ABTB3: variants seen among roughly 807,000 people sequenced by gnomAD.
ABTB3 encodes ankyrin repeat and BTB domain containing 3.
chr12:107,529,959 C>A, the ABTB3 span, among the ~76,000 whole-genome samples: 13 of 152,296 alleles, frequency 8.5e-5, no homozygotes, highest in Middle Eastern at 3.4e-3. Flanking sequence ...TATAAGCAGG[C>A]TTTGCAGGTA....
chr12:107,436,964 C>T, the ABTB3 span, among the ~76,000 whole-genome samples: 1 of 152,048 alleles, frequency 6.6e-6, no homozygotes, highest in Non-Finnish European at 1.5e-5. Context: ...CCCCCCGCCG[C>T]ACCTGCCCCA....
At chr12:107,319,478 G>A in the ABTB3 span, 11 of 1,600,502 alleles carry the variant, frequency 6.9e-6, no homozygotes, top group African/African-American at 1.3e-4. Context: ...GCACTGTACG[G>A]CGGCTGCGCT....
chr12:107,369,846 A>G, the ABTB3 span, among the ~76,000 whole-genome samples: 2 of 148,812 alleles, frequency 1.3e-5, no homozygotes, highest in Admixed American at 1.4e-4. Flanking sequence ...GGGAGCCCTG[A>G]TGATTTCCTG....
At chr12:107,397,851 GT>G in the ABTB3 span, among the ~76,000 whole-genome samples, 4 of 152,118 alleles carry the variant, frequency 2.6e-5, no homozygotes, top group African/African-American at 9.7e-5. Context: ...CAATACCTTT[GT>G]TTGAGTAGCC....
At chr12:107,586,121 G>A in the ABTB3 span, among the ~76,000 whole-genome samples, 1 of 152,170 alleles carries the variant, frequency 6.6e-6, no homozygotes, top group African/African-American at 2.4e-5. Context: ...TCCATCAGGT[G>A]TTCGGAGAGC....
chr12:107,351,333 C>T, the ABTB3 span, among the ~76,000 whole-genome samples: 2 of 152,186 alleles, frequency 1.3e-5, no homozygotes, highest in African/African-American at 4.8e-5. Context: ...ACGCTTGAGC[C>T]TTACCATTGT....
At chr12:107,334,185 T>C in the ABTB3 span, among the ~76,000 whole-genome samples, 1 of 152,062 alleles carries the variant, frequency 6.6e-6, no homozygotes, top group Admixed American at 6.5e-5. Flanking sequence ...CCATGGCAGG[T>C]TTTGAATAAG....
At chr12:107,436,692 G>A in the ABTB3 span, among the ~76,000 whole-genome samples, 1,920 of 152,272 alleles carry the variant, frequency 0.013, 47 homozygotes, top group African/African-American at 0.043. Context: ...GAGGGTGAGC[G>A]AGTTTCTCTG....
chr12:107,473,577 C>T, the ABTB3 span, among the ~76,000 whole-genome samples: 2,750 of 152,204 alleles, frequency 0.018, 52 homozygotes, highest in Non-Finnish European at 0.03. Flanking sequence ...TGGTCTCAAA[C>T]TCCTGACCTC....
At chr12:107,507,755 G>A in the ABTB3 span, among the ~76,000 whole-genome samples, 16,750 of 152,094 alleles carry the variant, frequency 0.11, 999 homozygotes, top group South Asian at 0.15. Context: ...CTCCAGTTTG[G>A]ACTTCCCTAT....
At chr12:107,493,936 A>G in the ABTB3 span, among the ~76,000 whole-genome samples, 1 of 152,220 alleles carries the variant, frequency 6.6e-6, no homozygotes, top group Admixed American at 6.5e-5. Context: ...TGTGGTGTCT[A>G]GCTTCCAGAA....
chr12:107,489,476 C>G, the ABTB3 span, among the ~76,000 whole-genome samples: 1 of 152,280 alleles, frequency 6.6e-6, no homozygotes, highest in South Asian at 2.1e-4. Context: ...GCCAAGTTTG[C>G]ACCATTGCTC....
At chr12:107,626,690 C>T in the ABTB3 span, among the ~76,000 whole-genome samples, 1 of 152,034 alleles carries the variant, frequency 6.6e-6, no homozygotes, top group African/African-American at 2.4e-5. Context: ...TTCCAAAGCC[C>T]CCAGTTGGAC....
At chr12:107,567,364 A>G in the ABTB3 span, among the ~76,000 whole-genome samples, 1 of 152,362 alleles carries the variant, frequency 6.6e-6, no homozygotes, top group Admixed American at 6.5e-5. Flanking sequence ...CCGTGGGACA[A>G]TGTTTCAGTC....
the ABTB3 span, chr12:107,319,631 G>C: frequency 5.2e-6 from 8 of 1,536,898 alleles, no homozygotes; most frequent in Middle Eastern, 1.7e-4. Context: ...GCGCATCCAC[G>C]AGCACGCCGC....
At chr12:107,634,316 A>G in the ABTB3 span, among the ~76,000 whole-genome samples, 1 of 152,258 alleles carries the variant, frequency 6.6e-6, no homozygotes, top group Non-Finnish European at 1.5e-5. Flanking sequence ...TGTTTCTTGT[A>G]GAAAATATAA....
chr12:107,420,252 T>G, the ABTB3 span, among the ~76,000 whole-genome samples: 3 of 152,210 alleles, frequency 2.0e-5, no homozygotes, highest in Non-Finnish European at 4.4e-5. Context: ...CCATCTCTCC[T>G]AAACCCTTCT....
chr12:107,360,916 G>A, the ABTB3 span, among the ~76,000 whole-genome samples: 1 of 128,188 alleles, frequency 7.8e-6, no homozygotes, highest in Non-Finnish European at 1.6e-5. Context: ...ACCATGCCCA[G>A]CTAATTTAAT....
the ABTB3 span, among the ~76,000 whole-genome samples, chr12:107,585,004 G>A: frequency 1.3e-5 from 2 of 152,080 alleles, no homozygotes; most frequent in African/African-American, 4.8e-5. Context: ...GGAGTGGGGA[G>A]GGCAGTGGAA....
Sources: allele counts gnomAD v4.1 joint callset (sites outside exome capture counted in the v4.1 genomes callset), GRCh38; gene constraint gnomAD v4.1.1; transcripts MANE v1.5; gene names NCBI Gene and HGNC (gene_info 2026-07-23, HGNC 2026-07-21).